The following CORO2B variants were observed in gnomAD, a reference collection of about 807,000 sequenced individuals.
CORO2B encodes coronin 2B, also known as coronin-2B.
Under a neutral mutation model 58.8 loss-of-function variants are expected in CORO2B, and 26 were observed. That is an observed-to-expected ratio of 0.44 (90% confidence interval 0.32 to 0.61). CORO2B has a LOEUF of 0.61. Among genes scored for constraint, CORO2B ranks in the 20% least tolerant of loss-of-function variants. The probability of loss-of-function intolerance (pLI) is 0.04; values close to 1 mark genes in which losing one functional copy is unlikely to be tolerated. For synonymous variants in CORO2B, 242 were observed against 253.8 expected, an observed-to-expected ratio of 0.95 and a Z score of 0.44; for missense variants, 460 against 645.1, an observed-to-expected ratio of 0.71 and a Z score of 3.11.
intron 3 of CORO2B, among the ~76,000 whole-genome samples, chr15:68,698,293 C>G (rs1892561440): frequency 6.6e-6 from 1 of 152,174 alleles, no homozygotes; most frequent in African/African-American, 2.4e-5. Flanking sequence ...AACAGATGAG[C>G]AGTGCCTGTC....
At chr15:68,633,101 G>A (rs942662964) in intron 1 of CORO2B, among the ~76,000 whole-genome samples, 12 of 152,180 alleles carry the variant, frequency 7.9e-5, no homozygotes, top group Non-Finnish European at 2.9e-5. Context: ...AAGGGGAGGA[G>A]CTGGTTGGTT....
intron 1 of CORO2B, among the ~76,000 whole-genome samples, chr15:68,592,856 C>T (rs575606563): frequency 3.9e-5 from 6 of 152,322 alleles, no homozygotes; most frequent in African/African-American, 1.2e-4. Flanking sequence ...GGCTGCAAAT[C>T]ACCTGGTGAG....
intron 2 of CORO2B, among the ~76,000 whole-genome samples, chr15:68,680,536 AG>A (rs1371566194): frequency 6.6e-6 from 1 of 152,218 alleles, no homozygotes; most frequent in East Asian, 1.9e-4. Flanking sequence ...GCAACTGTAC[AG>A]GGGATCCTGA....
At chr15:68,583,961 C>T (rs542214318) in intron 1 of CORO2B, among the ~76,000 whole-genome samples, 65 of 152,376 alleles carry the variant, frequency 4.3e-4, no homozygotes, top group African/African-American at 1.5e-3. Flanking sequence ...TTCCAGATAT[C>T]CAGCATTCTC....
At chr15:68,698,859 G>T (rs1263498813) in intron 3 of CORO2B, among the ~76,000 whole-genome samples, 1 of 152,184 alleles carries the variant, frequency 6.6e-6, no homozygotes, top group Non-Finnish European at 1.5e-5. Flanking sequence ...TAGAGGCGCA[G>T]AGGGGCAGGG....
intron 2 of CORO2B, among the ~76,000 whole-genome samples, chr15:68,651,196 C>T (rs972581585): frequency 6.6e-6 from 1 of 152,186 alleles, no homozygotes; most frequent in African/African-American, 2.4e-5. Flanking sequence ...GCCTCCAAAG[C>T]GGGATGACTT....
At chr15:68,575,419 C>T (rs1022620295), upstream of CORO2B, among the ~76,000 whole-genome samples, 4 of 92,658 alleles carry the variant, frequency 4.3e-5, no homozygotes, top group African/African-American at 1.5e-4. Context: ...CTCACTGCAA[C>T]CTCCGCCTCC....
chr15:68,577,035 A>G (rs1488137877), upstream of CORO2B, among the ~76,000 whole-genome samples: 2 of 152,118 alleles, frequency 1.3e-5, no homozygotes, highest in Non-Finnish European at 2.9e-5. Flanking sequence ...GTGCAGAAGA[A>G]TAAGAGAGCA....
the CORO2B span, among the ~76,000 whole-genome samples, chr15:68,518,486 T>C: frequency 1.3e-5 from 2 of 152,056 alleles, no homozygotes; most frequent in Non-Finnish European, 2.9e-5. Flanking sequence ...CCCTGCCCAT[T>C]TCCATTTTCA....
In CORO2B at chr15:68,617,161, G is replaced by A. The variant is rs543612200; in HGVS notation, c.16-27999G>A. ...GTGCTTTCCAACAACATTGGCTTTC[G>A]TGGGCTCCAGGGAATGGGATGAGTC... On this transcript the variant is annotated intron_variant, in intron 1 of 11. Transcript: ENST00000261861. Among the ~76,000 whole-genome samples the A allele has an allele frequency of 1.0e-3, 158 of 152,182 alleles. 1 individual carries two copies. The highest frequency in any genetic ancestry group is 3.6e-3 in the African/African-American group (150 of 41,532).
chr15:68,542,944 T>G, the CORO2B span, among the ~76,000 whole-genome samples: 1 of 152,240 alleles, frequency 6.6e-6, no homozygotes, highest in East Asian at 1.9e-4. Flanking sequence ...TGTGACTTGC[T>G]GAGTGATAAT....
chr15:68,571,256 A>T, the CORO2B span, among the ~76,000 whole-genome samples: 1 of 152,246 alleles, frequency 6.6e-6, no homozygotes, highest in South Asian at 2.1e-4. Flanking sequence ...TACTCAGTAC[A>T]TGTAAATACA....
the CORO2B span, among the ~76,000 whole-genome samples, chr15:68,543,178 C>G: frequency 6.6e-6 from 1 of 152,156 alleles, no homozygotes; most frequent in Non-Finnish European, 1.5e-5. Context: ...CCCTGGCCTT[C>G]GAGACAGAAG....
intron 3 of CORO2B, among the ~76,000 whole-genome samples, chr15:68,706,529 T>C (rs16952458): frequency 0.027 from 4,070 of 152,286 alleles, 188 homozygotes; most frequent in African/African-American, 0.094. Context: ...TCTTTCTTGA[T>C]GGCCAGGGGC....
intron 2 of CORO2B, among the ~76,000 whole-genome samples, chr15:68,673,145 T>G (rs1485481694): frequency 6.6e-6 from 1 of 152,248 alleles, no homozygotes; most frequent in East Asian, 1.9e-4. Flanking sequence ...TGCCCTCTTC[T>G]GCCCTTCAGC....
At chr15:68,542,804 T>G in the CORO2B span, among the ~76,000 whole-genome samples, 2 of 152,184 alleles carry the variant, frequency 1.3e-5, no homozygotes, top group African/African-American at 4.8e-5. Context: ...AGAGCAGAGG[T>G]ATGCAGTGCT....
At chr15:68,627,423 G>T (rs148644582) in intron 1 of CORO2B, among the ~76,000 whole-genome samples, 2 of 152,192 alleles carry the variant, frequency 1.3e-5, no homozygotes, top group African/African-American at 2.4e-5. Flanking sequence ...GTGTGTTGGT[G>T]GGGGGTGGTC....
At chr15:68,594,784 G>A (rs928303054) in intron 1 of CORO2B, among the ~76,000 whole-genome samples, 1 of 152,180 alleles carries the variant, frequency 6.6e-6, no homozygotes, top group Non-Finnish European at 1.5e-5. Flanking sequence ...TTCCTGGAGA[G>A]GACAGAAAGC....
chr15:68,610,401 A>G (rs1474198102), intron 1 of CORO2B, among the ~76,000 whole-genome samples: 1 of 151,566 alleles, frequency 6.6e-6, no homozygotes, highest in Non-Finnish European at 1.5e-5. Flanking sequence ...TATACCCCCC[A>G]ATTTAACATC....
Sources: gnomAD v4.1 joint callset for allele counts (sites outside exome capture counted in the v4.1 genomes callset) on GRCh38, gnomAD v4.1.1 for gene constraint, MANE v1.5 for transcripts, NCBI Gene and HGNC (gene_info 2026-07-23, HGNC 2026-07-21) for gene names.